Variants in HGS observed in about 807,000 individuals in gnomAD.
HGS encodes the protein hepatocyte growth factor-regulated tyrosine kinase substrate, also known as human growth factor-regulated tyrosine kinase substrate.
A neutral mutation model predicts 109.7 loss-of-function variants in HGS; 63 were observed. The ratio of observed to expected loss-of-function variants is 0.57; its 90% CI spans 0.47 to 0.71. The LOEUF (loss-of-function observed/expected upper bound fraction) is 0.71, where lower values mean the gene tolerates loss of function less well. Among genes scored for constraint, HGS ranks in the 30% least tolerant of loss-of-function variants. HGS has a pLI of 0.00. For synonymous variants in HGS, 546 were observed against 437.3 expected (o/e 1.25, Z -3.10); for missense variants, 995 against 1,068.3 (o/e 0.93, Z 0.96).
rs1236011273 is a variant in HGS, at chr17:81,693,569, TCAG to T, written c.733_735del (p.Gln245del). Reference sequence around the variant, plus strand: ...CCGAGTACCTGACCAGCCCCCTGTCTCAGCAGTCCCAGGTACTCAGCCCCCTCC... The same window carrying T: ...CCGAGTACCTGACCAGCCCCCTGTCTCAGTCCCAGGTACTCAGCCCCCTCC... On this transcript the variant is annotated inframe_deletion, in exon 9 of 22. Transcript: ENST00000329138. 6.2e-7 allele frequency: 1 copy of T among 1,610,310 alleles called. No homozygotes were observed. The highest frequency in any genetic ancestry group is 8.5e-7 in the Non-Finnish European group (1 of 1,177,608).
intron 3 of HGS, among the ~76,000 whole-genome samples, chr17:81,686,744 C>T (rs1459422167): frequency 6.6e-6 from 1 of 152,024 alleles, no homozygotes; most frequent in Non-Finnish European, 1.5e-5. Flanking sequence ...CCTGACGGGC[C>T]TGTTGAAGGG....
chr17:81,689,575 C>T (rs147963240), intron 5 of HGS, among the ~76,000 whole-genome samples: 2 of 152,266 alleles, frequency 1.3e-5, no homozygotes, highest in African/African-American at 4.8e-5. Context: ...CCTGAGTCTG[C>T]TGAAGACGAG....
At position 81,684,066 on chromosome 17, in the gene HGS, C is replaced by A. The variant is rs146058677; in HGVS notation, c.-1C>A. 1.9e-6 allele frequency: 3 copies of A among 1,594,270 alleles called. No individual in the cohort carries two copies. The highest frequency in any genetic ancestry group is 2.7e-5 in the African/African-American group (2 of 74,534). ...GCGTCGGGTTTGGGCTGGAGGTCGC[C>A]ATGGGGCGAGGCAGCGGCACCTTCG... On this transcript the variant is annotated 5_prime_UTR_variant, in exon 1 of 22. Transcript: ENST00000329138.
intron 1 of HGS, among the ~76,000 whole-genome samples, 197 bp from the exon 2 acceptor site, chr17:81,685,408 G>A (rs571384954): frequency 6.6e-6 from 1 of 152,318 alleles, no homozygotes; most frequent in Admixed American, 6.5e-5. Context: ...GTGCTCTTAC[G>A]CTGTTTGCTG....
At chr17:81,699,811 A>G (rs1428723946) in intron 18 of HGS, among the ~76,000 whole-genome samples, 2 of 151,264 alleles carry the variant, frequency 1.3e-5, no homozygotes, top group East Asian at 4.0e-4. Context: ...GCGGTGGCTC[A>G]CGCCTATAAT....
intron 8 of HGS, chr17:81,692,925 C>A (rs2037087174): frequency 6.6e-6 from 1 of 152,084 alleles, no homozygotes. Context: ...GCAGGAAAAT[C>A]ACTTGAACCT....
chr17:81,693,393 C>T (rs1471555164), intron 8 of HGS, 110 bp from the exon 9 acceptor site: 4 of 793,276 alleles, frequency 5.0e-6, no homozygotes, highest in Admixed American at 1.9e-5. Flanking sequence ...AACCACTGTC[C>T]TCACTCTGTG....
intron 3 of HGS, 150 bp downstream of exon 3, chr17:81,686,537 G>A (rs2036982413): frequency 1.6e-6 from 1 of 635,448 alleles, no homozygotes; most frequent in Non-Finnish European, 2.8e-6. Context: ...GTGCCTGTGT[G>A]AACAGTGCCA....
At chr17:81,695,402 T>TAC (rs2037130269) in intron 14 of HGS, among the ~76,000 whole-genome samples, 179 bp downstream of exon 14, 1 of 152,216 alleles carries the variant, frequency 6.6e-6, no homozygotes, top group Admixed American at 6.5e-5. Context: ...ATGGAAACTC[T>TAC]ACACCAGGCT....
Position 81,684,036 on chromosome 17 carries a change from C to G in HGS, c.-31C>G. On this transcript the variant is annotated 5_prime_UTR_variant, in exon 1 of 22. Transcript: ENST00000329138. ...GCGCCAGCTCGTAGCAGGGGAGCGC[C>G]CGCGGCGTCGGGTTTGGGCTGGAGG... 2.5e-6 allele frequency: 4 copies of G among 1,582,826 alleles called. No homozygotes were observed. Among genetic ancestry groups the G allele is most frequent in the Non-Finnish European group, 3.4e-6 (4 of 1,167,942 alleles).
intron 6 of HGS, 95 bp downstream of exon 6, chr17:81,690,329 C>T: frequency 1.5e-6 from 2 of 1,294,970 alleles, no homozygotes; most frequent in South Asian, 1.2e-5. Flanking sequence ...GGGTTGGTGG[C>T]TGAGCTCTCG....
In HGS at chr17:81,688,715, G is replaced by A; in HGVS notation, c.303G>A (p.Glu101=). Residue 101 remains glutamate, a synonymous_variant, in exon 5 of 22, where the codon GAG becomes GAA. Coordinates refer to ENST00000329138, the MANE Select transcript of HGS (RefSeq NM_004712.5). ...ELKDLLKRQV[E]VNVRNKILYL... is the part of the protein sequence containing the mutation. Reference sequence around the variant, plus strand: ...CTCCCTGCCTGCAGAGACAAGTGGAGGTAAACGTCCGTAACAAGATCCTGT... The same window carrying A: ...CTCCCTGCCTGCAGAGACAAGTGGAAGTAAACGTCCGTAACAAGATCCTGT... 6.2e-7 allele frequency: 1 copy of A among 1,613,942 alleles called. No homozygotes were observed. Among genetic ancestry groups the A allele is most frequent in the Non-Finnish European group, 8.5e-7 (1 of 1,179,928 alleles).
chr17:81,694,483 C>T (rs1351407399), intron 11 of HGS, among the ~76,000 whole-genome samples: 4 of 152,226 alleles, frequency 2.6e-5, no homozygotes, highest in African/African-American at 4.8e-5. Flanking sequence ...CCCTTCCTTC[C>T]GGGCTGTCGG....
chr17:81,690,942 G>A (rs1295417354), intron 7 of HGS, 200 bp downstream of exon 7: 2 of 545,708 alleles, frequency 3.7e-6, no homozygotes, highest in African/African-American at 1.9e-5. Flanking sequence ...TGCCTGGGCC[G>A]GGCCCAGCCT....
intron 1 of HGS, 83 bp from the exon 2 acceptor site, chr17:81,685,522 C>A: frequency 1.2e-6 from 1 of 830,318 alleles, no homozygotes; most frequent in South Asian, 1.7e-5. Flanking sequence ...GGAGAGAGTC[C>A]CCCCCAGCTG....
At position 81,685,773 on chromosome 17, in the gene HGS, G is replaced by A. The variant is rs931190304; in HGVS notation, c.122+84G>A. 1.1e-5 allele frequency: 11 copies of A among 968,240 alleles called. No homozygotes were observed. The Admixed American group carries it at 1.7e-4, about 15-fold the overall frequency. The allele number at this position is 968,240 out of a possible 1,614,324, so 60.0% of individuals were successfully genotyped here. On this transcript the variant is annotated intron_variant, in intron 2 of 21. Coordinates refer to ENST00000329138, the MANE Select transcript of HGS (RefSeq NM_004712.5). Reference sequence around the variant, plus strand: ...CGCTTGGTGCCCGTTGGGTCTCCACGACGTAGCTGACCGTGTTAGGCTCTT... The same window carrying A: ...CGCTTGGTGCCCGTTGGGTCTCCACAACGTAGCTGACCGTGTTAGGCTCTT...
intron 1 of HGS, chr17:81,684,358 C>A (rs1481499796): frequency 5.7e-6 from 2 of 349,444 alleles, no homozygotes; most frequent in Non-Finnish European, 1.0e-5. Flanking sequence ...TCGGCGACCT[C>A]GCTCCTCCGC....
chr17:81,685,248 C>A (rs1048358668), intron 1 of HGS, among the ~76,000 whole-genome samples: 2 of 152,184 alleles, frequency 1.3e-5, no homozygotes, highest in Non-Finnish European at 2.9e-5. Context: ...TGATAGGGTT[C>A]TTTGTTGAGA....
At position 81,695,891 on chromosome 17, in the gene HGS, CG is replaced by C; in HGVS notation, c.1289del (p.Gly430AlafsTer55). The C allele has an allele frequency of 6.2e-7, 1 of 1,612,606 alleles. No homozygotes were observed. Among genetic ancestry groups the C allele is most frequent in the Non-Finnish European group, 8.5e-7 (1 of 1,179,348 alleles). On this transcript the variant is annotated frameshift_variant, in exon 15 of 22. Coordinates refer to ENST00000329138, the MANE Select transcript of HGS (RefSeq NM_004712.5). LOFTEE classifies it high-confidence loss of function. ...GAACCGCATGAAGAGTAACCACATG[CG>C]GGGCCGCAGCATCACCAATGACTCG... ...FVNRMKSNHM[R>X]GRSITNDSAV...
Sources: gnomAD v4.1 joint callset for allele counts (sites outside exome capture counted in the v4.1 genomes callset) on GRCh38, gnomAD v4.1.1 for gene constraint, MANE v1.5 for transcripts, NCBI Gene and HGNC (gene_info 2026-07-23, HGNC 2026-07-21) for gene names.